Variants in LAMB1 observed in about 807,000 individuals in gnomAD.
LAMB1 encodes laminin subunit beta-1.
A neutral mutation model predicts 222.3 loss-of-function variants in LAMB1; 121 were observed. The ratio of observed to expected loss-of-function variants is 0.54; its 90% CI spans 0.47 to 0.63. LAMB1 has a LOEUF of 0.63. Among genes scored for constraint, LAMB1 ranks in the 30% least tolerant of loss-of-function variants. The pLI is 0.00. For synonymous variants in LAMB1, 794 were observed against 807.2 expected, an observed-to-expected ratio of 0.98 and a Z score of 0.28; for missense variants, 2,172 against 2,240.8, an observed-to-expected ratio of 0.97 and a Z score of 0.62.
chr7:107,963,817 C>T (rs147081390), intron 14 of LAMB1, among the ~76,000 whole-genome samples: 467 of 152,292 alleles, frequency 3.1e-3, no homozygotes, highest in African/African-American at 8.8e-3. Flanking sequence ...ATCTCACTAT[C>T]GCCAGGCACA....
At chr7:107,976,131 T>C (rs1005667465) in intron 9 of LAMB1, among the ~76,000 whole-genome samples, 1 of 152,118 alleles carries the variant, frequency 6.6e-6, no homozygotes, top group African/African-American at 2.4e-5. Context: ...GAATGGGCTA[T>C]GAAAAATGGA....
intron 20 of LAMB1, among the ~76,000 whole-genome samples, chr7:107,958,894 T>G (rs1003810302): frequency 2.0e-5 from 3 of 152,198 alleles, no homozygotes; most frequent in Non-Finnish European, 4.4e-5. Context: ...TAGTTTCTCC[T>G]TTCGCCTAAA....
In LAMB1 at chr7:107,940,153, T is replaced by C; in HGVS notation, c.3597A>G (p.Arg1199=). 11 of 1,614,070 alleles carry C rather than the reference T, an allele frequency of 6.8e-6. No homozygotes were observed. The South Asian group carries it at 1.2e-4, about 18-fold the overall frequency. Residue 1199 remains arginine (R), a synonymous_variant, in exon 25 of 34, where the codon AGA becomes AGG. Coordinates refer to ENST00000222399, the MANE Select transcript of LAMB1 (RefSeq NM_002291.3). ...TCAAGGCCTTGGCTTTCTCCAGGAA[T>C]CTGTGTGTCCTGTTGGTCAGCTCGG... ...IIAELTNRTH[R]FLEKAKALKI...
chr7:107,966,083 G>C (rs2033629342), intron 13 of LAMB1, among the ~76,000 whole-genome samples: 1 of 151,638 alleles, frequency 6.6e-6, no homozygotes, highest in African/African-American at 2.4e-5. Context: ...GGGTGACAGA[G>C]TGAGACTTCA....
At chr7:107,969,428 T>TA (rs75408483) in intron 13 of LAMB1, among the ~76,000 whole-genome samples, 14,572 of 152,104 alleles carry the variant, frequency 0.096, 747 homozygotes, top group Admixed American at 0.16. Flanking sequence ...TATTAAAGCA[T>TA]AAAAAACATC....
intron 25 of LAMB1, among the ~76,000 whole-genome samples, 196 bp downstream of exon 25, chr7:107,939,792 TC>T (rs1487268235): frequency 6.6e-6 from 1 of 152,156 alleles, no homozygotes; most frequent in Admixed American, 6.5e-5. Context: ...AGAAGGCTGG[TC>T]CCCACTGATG....
intron 27 of LAMB1, 170 bp downstream of exon 27, chr7:107,935,245 T>C: frequency 1.1e-6 from 1 of 934,626 alleles, no homozygotes; most frequent in Non-Finnish European, 1.6e-6. Flanking sequence ...TGGTTACAGA[T>C]ACCCCATTCC....
chr7:107,981,578 A>C (rs1584529031), intron 7 of LAMB1, among the ~76,000 whole-genome samples: 2 of 152,204 alleles, frequency 1.3e-5, no homozygotes, highest in East Asian at 1.9e-4. Context: ...GTCTGTTTGC[A>C]GAACAGCTAT....
intron 26 of LAMB1, 90 bp downstream of exon 26, chr7:107,937,003 C>CTT: frequency 7.4e-6 from 8 of 1,078,034 alleles, no homozygotes; most frequent in African/African-American, 1.6e-5. Context: ...TATTAGAAAA[C>CTT]TTTTTTTTTT....
At chr7:107,939,595 C>A (rs893524560) in intron 25 of LAMB1, among the ~76,000 whole-genome samples, 1 of 152,096 alleles carries the variant, frequency 6.6e-6, no homozygotes. Flanking sequence ...ACCCCTTCTC[C>A]ACAGGAGAGA....
rs1252944867 is a variant in LAMB1 at position 107,953,809 on chromosome 7, C to T, written c.2855-55G>A. ...GTTTAGCTTATTGACTGAAAGCTCA[C>T]CAGTGCACCGACACTCATGCCTAGA... On this transcript the variant is annotated intron_variant, in intron 21 of 33. Coordinates refer to ENST00000222399, the MANE Select transcript of LAMB1 (RefSeq NM_002291.3). 5 of 1,466,652 alleles carry T rather than the reference C, an allele frequency of 3.4e-6. No homozygotes were observed. The African/African-American group carries it at 4.2e-5, about 12-fold the overall frequency. The allele number at this position is 1,466,652 out of a possible 1,614,324, so 90.9% of individuals were successfully genotyped here.
chr7:107,940,843 C>T (rs1178146052), intron 24 of LAMB1, among the ~76,000 whole-genome samples: 1 of 152,178 alleles, frequency 6.6e-6, no homozygotes, highest in Non-Finnish European at 1.5e-5. Flanking sequence ...ACAAACAATC[C>T]AGGTTACATC....
chr7:107,948,138 C>T (rs1036735511), intron 24 of LAMB1, among the ~76,000 whole-genome samples: 7 of 152,002 alleles, frequency 4.6e-5, no homozygotes, highest in African/African-American at 1.7e-4. Context: ...AGGTGTGCGC[C>T]ATCTCACCTG....
intron 21 of LAMB1, among the ~76,000 whole-genome samples, 175 bp downstream of exon 21, chr7:107,955,292 A>T (rs911303800): frequency 2.0e-5 from 3 of 152,216 alleles, no homozygotes; most frequent in African/African-American, 7.2e-5. Flanking sequence ...ACTCAATATG[A>T]ATTGACTCCA....
chr7:107,977,361 G>A (rs2033888163), intron 9 of LAMB1, among the ~76,000 whole-genome samples: 1 of 152,160 alleles, frequency 6.6e-6, no homozygotes, highest in Non-Finnish European at 1.5e-5. Context: ...TGAGATGGAT[G>A]GAGGGAGGTA....
At chr7:107,938,182 C>A (rs959386696) in intron 25 of LAMB1, among the ~76,000 whole-genome samples, 1 of 152,062 alleles carries the variant, frequency 6.6e-6, no homozygotes, top group Admixed American at 6.6e-5. Flanking sequence ...TGTAAAGATG[C>A]TGAAAGGTTG....
chr7:107,976,588 C>T (rs185755203), intron 9 of LAMB1, among the ~76,000 whole-genome samples: 3 of 152,304 alleles, frequency 2.0e-5, no homozygotes, highest in Admixed American at 1.3e-4. Flanking sequence ...TCCAGCCTCC[C>T]ACCTTGCCTG....
chr7:107,979,921 A>T (rs963751191), intron 8 of LAMB1, among the ~76,000 whole-genome samples: 1 of 152,082 alleles, frequency 6.6e-6, no homozygotes, highest in African/African-American at 2.4e-5. Context: ...TAAAAATACA[A>T]AATTAGCCAG....
At chr7:107,937,340 A>G (rs2032872358) in intron 25 of LAMB1, 63 bp from the exon 26 acceptor site, 1 of 1,362,956 alleles carries the variant, frequency 7.3e-7, no homozygotes, top group Non-Finnish European at 1.0e-6. Flanking sequence ...TTCACGTTTC[A>G]TATTTTCTAC....
Sources: gnomAD v4.1 joint callset for allele counts (sites outside exome capture counted in the v4.1 genomes callset) on GRCh38, gnomAD v4.1.1 for gene constraint, MANE v1.5 for transcripts, NCBI Gene and HGNC (gene_info 2026-07-23, HGNC 2026-07-21) for gene names.